The following CIB1 variants were observed in gnomAD, a reference collection of about 807,000 sequenced individuals.
CIB1 encodes the protein calcium and integrin-binding protein 1.
Under a neutral mutation model 25.0 loss-of-function variants are expected in CIB1, and 19 were observed. The ratio of observed to expected loss-of-function variants is 0.76; its 90% CI spans 0.53 to 1.12. The LOEUF (loss-of-function observed/expected upper bound fraction) is 1.12, where lower values mean the gene tolerates loss of function less well. CIB1 is among the 50% of genes most tolerant of loss of function. The pLI is 0.00. For synonymous variants in CIB1, 104 were observed against 98.5 expected (o/e 1.06, Z -0.33); for missense variants, 236 against 242.6 (o/e 0.97, Z 0.18).
the CIB1 span, chr15:90,258,701 A>C: frequency 5.8e-6 from 9 of 1,547,308 alleles, no homozygotes; most frequent in South Asian, 8.9e-5. Flanking sequence ...CCACCTGCTC[A>C]GGTGGTCTGG....
At chr15:90,230,845 G>A (rs1962461756) in intron 6 of CIB1, 89 bp downstream of exon 6, 4 of 1,174,994 alleles carry the variant, frequency 3.4e-6, no homozygotes, top group African/African-American at 1.5e-5. Flanking sequence ...CTCTCACCCT[G>A]GCACCACCTC....
At chr15:90,251,720 C>A in the CIB1 span, 2 of 927,244 alleles carry the variant, frequency 2.2e-6, no homozygotes, top group Non-Finnish European at 3.5e-6. Flanking sequence ...TGCCTCTAAC[C>A]TGTACTGAGC....
chr15:90,258,428 T>C, the CIB1 span: 1 of 691,242 alleles, frequency 1.4e-6, no homozygotes, highest in South Asian at 1.8e-5. Flanking sequence ...ATCTCTACCC[T>C]TTTGACCTGC....
the CIB1 span, chr15:90,255,852 A>G: frequency 7.4e-6 from 12 of 1,614,048 alleles, no homozygotes; most frequent in Admixed American, 2.0e-4. Context: ...TCTGAGTACA[A>G]CATCTTCCCC....
the CIB1 span, among the ~76,000 whole-genome samples, chr15:90,256,593 C>CTT: frequency 7.7e-5 from 3 of 39,056 alleles, no homozygotes; most frequent in African/African-American, 1.0e-4. Flanking sequence ...TTCTTTCTTT[C>CTT]TTTCTTTCTT....
chr15:90,230,863 C>T, intron 6 of CIB1, 71 bp downstream of exon 6: 1 of 1,319,922 alleles, frequency 7.6e-7, no homozygotes, highest in Non-Finnish European at 1.1e-6. Context: ...CTCCTGTAGC[C>T]ATGCCCTAGG....
the CIB1 span, chr15:90,251,675 C>T: frequency 9.9e-6 from 15 of 1,517,076 alleles, no homozygotes; most frequent in African/African-American, 4.1e-5. Flanking sequence ...AATGGACCCC[C>T]GATCAGGCTT....
the CIB1 span, among the ~76,000 whole-genome samples, chr15:90,251,280 A>ATTTTTTTTTTTTTTTT: frequency 1.0e-4 from 11 of 109,512 alleles, no homozygotes; most frequent in African/African-American, 2.5e-4. Flanking sequence ...CGCATGGCAA[A>ATTTTTTTTTTTTTTTT]TTTTTTTTTT....
the CIB1 span, chr15:90,257,230 C>T: frequency 6.2e-7 from 1 of 1,613,386 alleles, no homozygotes; most frequent in Non-Finnish European, 8.5e-7. Flanking sequence ...ATGAGGAGGG[C>T]CTAGCCCGTT....
At chr15:90,247,851 T>C in the CIB1 span, among the ~76,000 whole-genome samples, 1 of 148,098 alleles carries the variant, frequency 6.8e-6, no homozygotes, top group African/African-American at 2.6e-5. Flanking sequence ...GCCTCAGCCT[T>C]CCAAGTAGCT....
At chr15:90,242,016 G>A in the CIB1 span, 1 of 1,613,960 alleles carries the variant, frequency 6.2e-7, no homozygotes, top group African/African-American at 1.3e-5. Context: ...ATCCCAGGCA[G>A]AAGACGTACA....
chr15:90,230,456 G>A lies in CIB1; in HGVS notation c.*28C>T. On this transcript the variant is annotated 3_prime_UTR_variant, in exon 7 of 7. Transcript: ENST00000328649. ...CAGCAGTAGAAAGGTTCTTGGACAG[G>A]GTGCCAGGACACACGCTGGGGCTGC... The A allele has an allele frequency of 2.6e-6, 4 of 1,551,368 alleles. No individual in the cohort carries two copies. Among genetic ancestry groups the A allele is most frequent in the Non-Finnish European group, 3.5e-6 (4 of 1,146,854 alleles).
the CIB1 span, chr15:90,258,587 T>G: frequency 2.3e-5 from 15 of 659,218 alleles, no homozygotes; most frequent in African/African-American, 2.5e-4. Context: ...GAGATCTCTA[T>G]GGCAGAGTTT....
At chr15:90,248,496 C>G in the CIB1 span, among the ~76,000 whole-genome samples, 3 of 151,948 alleles carry the variant, frequency 2.0e-5, no homozygotes, top group Non-Finnish European at 4.4e-5. Flanking sequence ...GGGCAGGTCA[C>G]TTGAGGTCAG....
chr15:90,231,056 A>C (rs548055723), intron 5 of CIB1, 34 bp from the exon 6 acceptor site: 21 of 1,613,304 alleles, frequency 1.3e-5, no homozygotes, highest in Middle Eastern at 1.7e-4. Context: ...CAGAGCCCCA[A>C]CTGCTCCCTC....
chr15:90,230,619 G>A, intron 6 of CIB1, 114 bp from the exon 7 acceptor site: 1 of 1,140,312 alleles, frequency 8.8e-7, no homozygotes. Context: ...TGTTCCGTGT[G>A]TCAGCCCCCT....
At chr15:90,254,195 T>TTG in the CIB1 span, among the ~76,000 whole-genome samples, 1 of 110,606 alleles carries the variant, frequency 9.0e-6, no homozygotes. Flanking sequence ...CCTGTTTTTT[T>TTG]TTTTTTTAAA....
At chr15:90,264,884 G>A in the CIB1 span, 4 of 1,536,112 alleles carry the variant, frequency 2.6e-6, no homozygotes, top group Admixed American at 2.0e-5. Context: ...TGAACACAGA[G>A]CAGCCAAGGT....
chr15:90,258,442 G>C, the CIB1 span: 1 of 665,610 alleles, frequency 1.5e-6, no homozygotes, highest in Non-Finnish European at 2.6e-6. Flanking sequence ...GACCTGCTGA[G>C]TCAAATCTTG....
Sources: gnomAD v4.1 joint callset for allele counts (sites outside exome capture counted in the v4.1 genomes callset) on GRCh38, gnomAD v4.1.1 for gene constraint, MANE v1.5 for transcripts, NCBI Gene and HGNC (gene_info 2026-07-23, HGNC 2026-07-21) for gene names.